Variants in PTPRG observed in about 807,000 individuals in gnomAD.
PTPRG encodes receptor-type tyrosine-protein phosphatase gamma.
A neutral mutation model predicts 165.3 loss-of-function variants in PTPRG; 102 were observed. The ratio of observed to expected loss-of-function variants is 0.62; its 90% confidence interval spans 0.53 to 0.73. The LOEUF is 0.73. PTPRG is among the 30% of genes least tolerant of loss of function. The pLI is 0.00. For missense variants in PTPRG, 1,866 were observed against 1,861.4 expected (o/e 1.00, Z -0.05); for synonymous variants, 675 against 669.5 (o/e 1.01, Z -0.13).
intron 2 of PTPRG, among the ~76,000 whole-genome samples, chr3:61,982,979 T>G (rs558120398): frequency 6.6e-6 from 1 of 152,326 alleles, no homozygotes; most frequent in African/African-American, 2.4e-5. Flanking sequence ...TACTGCAGTT[T>G]TTACACCTTA....
chr3:62,060,211 CAA>C lies in PTPRG; in HGVS notation c.520-17932_520-17931del, dbSNP rs3068431. 1.1e-3 allele frequency among the ~76,000 whole-genome samples: 150 copies of C among 131,466 alleles called. 1 individual carries two copies. Among genetic ancestry groups the C allele is most frequent in the East Asian group, 5.1e-3 (16 of 3,166 alleles). The allele number at this position is 131,466 out of a possible 152,430, so 86.2% of individuals were successfully genotyped here. ...TGAGCAACAGAGTGAGACCCTGTCT[CAA>C]AAAAAAAAAAAAAAAAAAATCCTTC... On this transcript the variant is annotated intron_variant, in intron 4 of 29. Transcript: ENST00000474889.
At chr3:61,991,852 T>A (rs1298138262) in intron 3 of PTPRG, among the ~76,000 whole-genome samples, 1 of 152,198 alleles carries the variant, frequency 6.6e-6, no homozygotes, top group Non-Finnish European at 1.5e-5. Flanking sequence ...TTCAGCTTCG[T>A]ATCACCAATG....
At chr3:62,018,481 GGT>G (rs1397333786) in intron 4 of PTPRG, among the ~76,000 whole-genome samples, 1 of 152,068 alleles carries the variant, frequency 6.6e-6, no homozygotes, top group Non-Finnish European at 1.5e-5. Context: ...AGGCTTCAGG[GGT>G]GTCACCACTC....
intron 28 of PTPRG, among the ~76,000 whole-genome samples, chr3:62,291,612 G>T (rs1702901058): frequency 6.6e-6 from 1 of 152,076 alleles, no homozygotes; most frequent in Non-Finnish European, 1.5e-5. Flanking sequence ...TAACAATTCA[G>T]AAATGACATT....
intron 1 of PTPRG, among the ~76,000 whole-genome samples, chr3:61,573,541 G>T (rs969271763): frequency 6.6e-6 from 1 of 152,144 alleles, no homozygotes; most frequent in Non-Finnish European, 1.5e-5. Flanking sequence ...CCTTGTTTTA[G>T]TACATGTTCA....
chr3:62,078,022 CA>C (rs1367518759), intron 4 of PTPRG, 140 bp from the exon 5 acceptor site: 2 of 526,260 alleles, frequency 3.8e-6, no homozygotes, highest in East Asian at 3.7e-5. Flanking sequence ...AAAAAGTTAG[CA>C]AAGGAAAAAT....
Position 62,168,018 on chromosome 3 carries a change from C to T in PTPRG, c.888C>T (p.Val296=), listed in dbSNP as rs1466378724. The T allele has an allele frequency of 1.9e-6, 3 of 1,613,758 alleles. No individual in the cohort carries two copies. Among genetic ancestry groups the T allele is most frequent in the Non-Finnish European group, 2.5e-6 (3 of 1,179,916 alleles). ...TCACCACGGAGCAGCAAGACCATGT[C>T]AAGTCGGTGGAGTATCTGAGAAATA... ...SIFTTEQQDH[V]KSVEYLRNNF... The change falls in exon 8 of 30, where the codon GTC becomes GTT. Residue 296 remains valine (V), a synonymous_variant. Coordinates refer to ENST00000474889, the MANE Select transcript of PTPRG (RefSeq NM_002841.4).
chr3:62,220,166 G>A (rs1486359204), intron 13 of PTPRG, among the ~76,000 whole-genome samples: 1 of 152,220 alleles, frequency 6.6e-6, no homozygotes. Flanking sequence ...GTGAAGACAG[G>A]GGTAAGGTGG....
chr3:61,815,718 A>AGT (rs1460286734), intron 2 of PTPRG, among the ~76,000 whole-genome samples: 1 of 152,236 alleles, frequency 6.6e-6, no homozygotes, highest in Non-Finnish European at 1.5e-5. Context: ...TGAAAGATAC[A>AGT]GTGGCTGTTT....
chr3:61,698,815 T>C (rs942391207), intron 1 of PTPRG, among the ~76,000 whole-genome samples: 2 of 152,190 alleles, frequency 1.3e-5, no homozygotes, highest in African/African-American at 4.8e-5. Flanking sequence ...GTGGCACATA[T>C]ACACCATGGA....
At chr3:61,878,773 G>T (rs540882236) in intron 2 of PTPRG, among the ~76,000 whole-genome samples, 2 of 152,288 alleles carry the variant, frequency 1.3e-5, no homozygotes, top group African/African-American at 4.8e-5. Context: ...CAAAGTGCTT[G>T]CATTACAGGC....
At chr3:62,096,168 T>A (rs575858506) in intron 5 of PTPRG, among the ~76,000 whole-genome samples, 1 of 152,056 alleles carries the variant, frequency 6.6e-6, no homozygotes, top group Non-Finnish European at 1.5e-5. Context: ...AAAAATGATA[T>A]CTTTCTATTA....
At chr3:61,899,469 AG>A (rs1456428473) in intron 2 of PTPRG, among the ~76,000 whole-genome samples, 2 of 152,214 alleles carry the variant, frequency 1.3e-5, no homozygotes, top group African/African-American at 4.8e-5. Flanking sequence ...GTGCCTTGAA[AG>A]TGATTTCATA....
chr3:61,672,588 C>T (rs1200557130), intron 1 of PTPRG, among the ~76,000 whole-genome samples: 7 of 56,396 alleles, frequency 1.2e-4, no homozygotes, highest in East Asian at 1.1e-3. Flanking sequence ...GGCATGGCGG[C>T]GCCGCCTGCA....
At chr3:62,120,100 G>C (rs909756508) in intron 5 of PTPRG, among the ~76,000 whole-genome samples, 1 of 151,850 alleles carries the variant, frequency 6.6e-6, no homozygotes, top group Non-Finnish European at 1.5e-5. Context: ...TAGTTTTTTG[G>C]GTTTTTTTTT....
At chr3:62,019,749 G>C (rs531477253) in intron 4 of PTPRG, among the ~76,000 whole-genome samples, 1 of 152,044 alleles carries the variant, frequency 6.6e-6, no homozygotes, top group Admixed American at 6.6e-5. Flanking sequence ...AATGTTGTAT[G>C]CCATGAATGT....
At position 62,195,130 on chromosome 3, in the gene PTPRG, C is replaced by A. The variant is rs112710255; in HGVS notation, c.1287C>A (p.Asn429Lys). Residue 429 changes from asparagine (N) to lysine (K), a missense_variant, in exon 10 of 30, where the codon AAC (asparagine) becomes AAA (lysine). By Grantham distance (94) the Asn-to-Lys change is moderately conservative. Coordinates refer to ENST00000474889, the MANE Select transcript of PTPRG (RefSeq NM_002841.4). This position sits in a 1 kb window ranked among gnomAD's most constrained non-coding sequence, Gnocchi z 4.4. ...TCCGAGTCCAGGCCGTGTGTCGGAA[C>A]GACATGCGCAGCGACTTTAGCCAGA... The part of the protein sequence containing the change: ...YLFRVQAVCR[N>K]DMRSDFSQTM... The A allele has an allele frequency of 1.9e-6, 3 of 1,614,086 alleles. No individual in the cohort carries two copies. Among genetic ancestry groups the A allele is most frequent in the Non-Finnish European group, 2.5e-6 (3 of 1,180,050 alleles).
intron 2 of PTPRG, among the ~76,000 whole-genome samples, chr3:61,785,029 G>T (rs2107099909): frequency 6.6e-6 from 1 of 152,222 alleles, no homozygotes; most frequent in East Asian, 1.9e-4. Flanking sequence ...TAGAGCACAG[G>T]TATATTTATG....
intron 2 of PTPRG, among the ~76,000 whole-genome samples, chr3:61,804,545 T>C (rs547739844): frequency 2.0e-5 from 3 of 152,316 alleles, no homozygotes; most frequent in South Asian, 4.1e-4. Context: ...AGGGTTAACA[T>C]AGATCTGTCT....
Sources: allele counts gnomAD v4.1 joint callset (sites outside exome capture counted in the v4.1 genomes callset), GRCh38; gene constraint gnomAD v4.1.1; non-coding constraint Gnocchi (gnomAD v3.1); transcripts MANE v1.5; gene names NCBI Gene and HGNC (gene_info 2026-07-23, HGNC 2026-07-21).